Variants in GALNT17 observed in about 807,000 individuals in gnomAD.
The protein encoded by GALNT17 is polypeptide N-acetylgalactosaminyltransferase 17.
A neutral mutation model predicts 63.7 loss-of-function variants in GALNT17; 29 were observed. The ratio of observed to expected loss-of-function variants is 0.46; its 90% confidence interval spans 0.34 to 0.62. The LOEUF (loss-of-function observed/expected upper bound fraction) is 0.62, where lower values mean the gene tolerates loss of function less well. Ranked by LOEUF, GALNT17 falls within the 20% of genes least tolerant of loss-of-function variation. GALNT17 has a pLI of 0.01. For synonymous variants in GALNT17, 305 were observed against 318.3 expected (o/e 0.96, Z 0.45); for missense variants, 603 against 799.6 (o/e 0.75, Z 2.97).
chr7:71,447,325 T>C (rs1005199679), intron 5 of GALNT17, among the ~76,000 whole-genome samples: 4 of 152,146 alleles, frequency 2.6e-5, no homozygotes, highest in African/African-American at 9.7e-5. Context: ...AAGAAAACAC[T>C]GCGTACTGTT....
intron 5 of GALNT17, among the ~76,000 whole-genome samples, chr7:71,428,981 C>T (rs1786811789): frequency 1.3e-5 from 2 of 152,194 alleles, no homozygotes; most frequent in South Asian, 4.1e-4. Context: ...CTCGTCCCTC[C>T]CTTCAGGTAC....
At chr7:71,174,619 G>A (rs1318174614) in intron 1 of GALNT17, among the ~76,000 whole-genome samples, 1 of 152,146 alleles carries the variant, frequency 6.6e-6, no homozygotes, top group African/African-American at 2.4e-5. Flanking sequence ...TAGGAGCAAT[G>A]TTTTGCGGGC....
At chr7:71,474,841 A>G (rs1563120072) in intron 5 of GALNT17, among the ~76,000 whole-genome samples, 1 of 152,172 alleles carries the variant, frequency 6.6e-6, no homozygotes, top group Non-Finnish European at 1.5e-5. Context: ...TTCACTCCAC[A>G]ACAGTCTCCA....
In GALNT17 at chr7:71,481,717, C is replaced by A. The variant is rs185557489; in HGVS notation, c.962+60612C>A. Among the ~76,000 whole-genome samples, 163 of 152,266 alleles carry A rather than the reference C, an allele frequency of 1.1e-3. 3 individuals carry two copies. In the South Asian group the frequency reaches 0.019, roughly 17 times the overall value. On this transcript the variant is annotated intron_variant, in intron 5 of 10. Transcript: ENST00000333538. The stretch of plus-strand genomic sequence containing the variant: ...CCTGGAGCCCCTCCAGGTTCTCCCA[C>A]AGCTGGACTTTGTGTGGCTGTTGGC...
rs145810314 is a variant in GALNT17 at position 71,638,581 on chromosome 7, T to C, written c.1081-26830T>C. Reference sequence around the variant, plus strand: ...AGGGCATCCCGATACAGACACGGCATGGGTAGTCCTTGAGGTTAGAATGGA... The same window carrying C: ...AGGGCATCCCGATACAGACACGGCACGGGTAGTCCTTGAGGTTAGAATGGA... On this transcript the variant is annotated intron_variant, in intron 6 of 10. Coordinates refer to ENST00000333538, the MANE Select transcript of GALNT17 (RefSeq NM_022479.3). 3.3e-5 allele frequency among the ~76,000 whole-genome samples: 5 copies of C among 152,246 alleles called. No homozygotes were observed. The East Asian group carries it at 9.6e-4, about 29-fold the overall frequency.
intron 1 of GALNT17, among the ~76,000 whole-genome samples, chr7:71,303,483 G>T (rs1312862509): frequency 2.6e-5 from 4 of 152,014 alleles, no homozygotes. Flanking sequence ...AGTTTGAATT[G>T]GTGGGGTCTG....
At chr7:71,567,005 CTAT>C (rs1339182245) in intron 5 of GALNT17, among the ~76,000 whole-genome samples, 20 of 152,172 alleles carry the variant, frequency 1.3e-4, no homozygotes, top group African/African-American at 4.1e-4. Flanking sequence ...GCGTGTGAGC[CTAT>C]TGAGTTCTAG....
At chr7:71,366,997 G>A (rs914225540) in intron 2 of GALNT17, among the ~76,000 whole-genome samples, 7 of 152,090 alleles carry the variant, frequency 4.6e-5, no homozygotes, top group South Asian at 2.1e-4. Flanking sequence ...TCACTCACTC[G>A]GACCGAGACT....
At chr7:71,164,612 G>A (rs1468853805) in intron 1 of GALNT17, among the ~76,000 whole-genome samples, 1 of 152,222 alleles carries the variant, frequency 6.6e-6, no homozygotes, top group Non-Finnish European at 1.5e-5. Context: ...CTTGCAACAT[G>A]TGGTTCTGTC....
chr7:71,544,850 GT>G (rs5884844), intron 5 of GALNT17, among the ~76,000 whole-genome samples: 275 of 147,094 alleles, frequency 1.9e-3, no homozygotes, highest in African/African-American at 6.1e-3. Flanking sequence ...CTGAGCTTTA[GT>G]TTTTTTTTTT....
At chr7:71,315,581 G>C (rs957982888) in intron 1 of GALNT17, among the ~76,000 whole-genome samples, 1 of 152,172 alleles carries the variant, frequency 6.6e-6, no homozygotes, top group Non-Finnish European at 1.5e-5. Context: ...ATATGGGCTT[G>C]TGTTCATTAT....
intron 5 of GALNT17, among the ~76,000 whole-genome samples, chr7:71,449,704 T>C (rs1477445339): frequency 6.6e-6 from 1 of 152,130 alleles, no homozygotes; most frequent in East Asian, 1.9e-4. Flanking sequence ...TATTAAGGTA[T>C]TTATATATTT....
intron 1 of GALNT17, among the ~76,000 whole-genome samples, chr7:71,219,055 A>G (rs1347564139): frequency 6.6e-6 from 1 of 152,138 alleles, no homozygotes; most frequent in East Asian, 1.9e-4. Flanking sequence ...CTGTAGTGAC[A>G]ATAACTCACA....
At chr7:71,193,288 T>C (rs1235534746) in intron 1 of GALNT17, among the ~76,000 whole-genome samples, 1 of 151,462 alleles carries the variant, frequency 6.6e-6, no homozygotes, top group African/African-American at 2.4e-5. Flanking sequence ...TTTGTAGAGG[T>C]GGGGTCTTGC....
At chr7:71,198,891 T>G (rs1789108670) in intron 1 of GALNT17, among the ~76,000 whole-genome samples, 1 of 152,210 alleles carries the variant, frequency 6.6e-6, no homozygotes, top group African/African-American at 2.4e-5. Flanking sequence ...CTTTAGTAGG[T>G]TTCAGAATCA....
chr7:71,146,707 T>C (rs1210653831), intron 1 of GALNT17, among the ~76,000 whole-genome samples: 1 of 152,190 alleles, frequency 6.6e-6, no homozygotes, highest in Non-Finnish European at 1.5e-5. Flanking sequence ...CTCACCGGTC[T>C]TTAGACTGCT....
At chr7:71,134,658 G>A (rs1281810441) in intron 1 of GALNT17, among the ~76,000 whole-genome samples, 3 of 151,982 alleles carry the variant, frequency 2.0e-5, no homozygotes, top group South Asian at 2.1e-4. Context: ...CACAGAATGC[G>A]ACAAAAACCC....
At chr7:71,137,215 C>T (rs1787801707) in intron 1 of GALNT17, among the ~76,000 whole-genome samples, 2 of 151,100 alleles carry the variant, frequency 1.3e-5, no homozygotes, top group South Asian at 2.1e-4. Context: ...TCTCGGCTCA[C>T]TGCAAGCTCC....
At chr7:71,327,830 G>GA (rs1477055045) in intron 1 of GALNT17, among the ~76,000 whole-genome samples, 1 of 152,172 alleles carries the variant, frequency 6.6e-6, no homozygotes, top group African/African-American at 2.4e-5. Context: ...GTAAACCTAA[G>GA]AGAGGCATGC....
Sources: gnomAD v4.1 joint callset for allele counts (sites outside exome capture counted in the v4.1 genomes callset) on GRCh38, gnomAD v4.1.1 for gene constraint, MANE v1.5 for transcripts, NCBI Gene and HGNC (gene_info 2026-07-23, HGNC 2026-07-21) for gene names.